The following SLC52A3 variants were observed in gnomAD, a reference collection of about 807,000 sequenced individuals.
SLC52A3 encodes solute carrier family 52, riboflavin transporter, member 3.
A neutral mutation model predicts 29.5 loss-of-function variants in SLC52A3; 20 were observed. That is an observed-to-expected ratio of 0.68 (90% CI 0.48 to 0.99). The LOEUF is 0.99. Ranked by LOEUF, SLC52A3 falls within the 50% of genes least tolerant of loss-of-function variation. The pLI, the probability that SLC52A3 is intolerant of heterozygous loss-of-function variation, is 0.00. For synonymous variants in SLC52A3, 301 were observed against 271.0 expected, an observed-to-expected ratio of 1.11 and a Z score of -1.09; for missense variants, 548 against 612.9, an observed-to-expected ratio of 0.89 and a Z score of 1.12.
At chr20:770,085 G>A (rs1466290157), upstream of SLC52A3, among the ~76,000 whole-genome samples, 5 of 151,912 alleles carry the variant, frequency 3.3e-5, no homozygotes, top group South Asian at 6.2e-4. This position sits in a 1 kb window ranked among gnomAD's most constrained non-coding sequence, Gnocchi z 4.5. Context: ...AGTGCAGCTC[G>A]TTGCCAGCAC....
At position 763,644 on chromosome 20, in the gene SLC52A3, G is replaced by A. The variant is rs781422986; in HGVS notation, c.927C>T (p.Phe309=). The change falls in exon 3 of 5, where the codon TTC becomes TTT. Residue 309 remains phenylalanine, a synonymous_variant. Transcript: ENST00000645534. ...HLAFIYTLVA[F]VNALTNGMLP... ...GCATGCCGTTGGTGAGCGCGTTGAC[G>A]AAGGCCACCAGGGTATAGATGAAGG... is the stretch of plus-strand genomic sequence containing the variant. 16 of 1,614,164 alleles carry A rather than the reference G, an allele frequency of 9.9e-6. No individual in the cohort carries two copies. The highest frequency in any genetic ancestry group is 6.7e-5 in the African/African-American group (5 of 75,042).
At chr20:773,542 T>G (rs1241724834) in intron 1 of SLC52A3, among the ~76,000 whole-genome samples, 1 of 152,122 alleles carries the variant, frequency 6.6e-6, no homozygotes, top group Non-Finnish European at 1.5e-5. Flanking sequence ...GATCTCTTTC[T>G]GCTCACAGAT....
Position 765,937 on chromosome 20 carries a change from C to CTGGCT in SLC52A3, c.-51-113_-51-112insAGCCA. On this transcript the variant is annotated intron_variant, in intron 1 of 4. Coordinates refer to ENST00000645534, the MANE Select transcript of SLC52A3 (RefSeq NM_033409.4). This position sits in a 1 kb window ranked among gnomAD's most constrained non-coding sequence, Gnocchi z 6.6. ...ACTCCCCTTCCTGTGAACAAGCTGG[C>CTGGCT]TTTTTTTTTTTTCCTTTGAGACATA... is the stretch of plus-strand genomic sequence containing the variant. The CTGGCT allele has an allele frequency of 1.8e-6, 1 of 558,792 alleles. No individual in the cohort carries two copies. Among genetic ancestry groups the CTGGCT allele is most frequent in the Non-Finnish European group, 3.1e-6 (1 of 323,030 alleles). The allele number at this position is 558,792 out of a possible 1,614,324, so 34.6% of individuals were successfully genotyped here.
upstream of SLC52A3, among the ~76,000 whole-genome samples, chr20:769,897 A>T (rs1489816130): frequency 6.6e-6 from 1 of 152,016 alleles, no homozygotes; most frequent in Non-Finnish European, 1.5e-5. Context: ...ACTCCATCTT[A>T]AAAAAGAAAA....
chr20:761,565 G>A (rs1568717392), intron 4 of SLC52A3, 136 bp downstream of exon 4: 17 of 1,334,236 alleles, frequency 1.3e-5, no homozygotes, highest in South Asian at 7.8e-5. Flanking sequence ...AGGAAGGGGC[G>A]CTTCCCCCAC....
Position 763,632 on chromosome 20 carries a change from G to C in SLC52A3, c.939C>G (p.Leu313=). The part of the protein sequence containing the change: ...IYTLVAFVNA[L]TNGMLPSVQT... ...GCACAGAGGGCAGCATGCCGTTGGT[G>C]AGCGCGTTGACGAAGGCCACCAGGG... is the stretch of plus-strand genomic sequence containing the variant. Residue 313 remains leucine, a synonymous_variant, in exon 3 of 5, where the codon CTC becomes CTG. Transcript: ENST00000645534. The C allele has an allele frequency of 6.2e-7, 1 of 1,614,204 alleles. No individual in the cohort carries two copies. Among genetic ancestry groups the C allele is most frequent in the Non-Finnish European group, 8.5e-7 (1 of 1,180,028 alleles).
chr20:770,159 T>G (rs1313665430), upstream of SLC52A3, among the ~76,000 whole-genome samples: 1 of 151,952 alleles, frequency 6.6e-6, no homozygotes, highest in East Asian at 1.9e-4. This position sits in a 1 kb window ranked among gnomAD's most constrained non-coding sequence, Gnocchi z 4.5. Flanking sequence ...ACTGCTGTTT[T>G]TTTTTTTTTT....
intron 1 of SLC52A3, 131 bp downstream of exon 1, chr20:768,166 A>G (rs1986746138): frequency 6.6e-6 from 1 of 152,220 alleles, no homozygotes; most frequent in African/African-American, 2.4e-5. Flanking sequence ...TCTAAGGGTT[A>G]CTGATCATTA....
chr20:763,668 G>A lies in SLC52A3; in HGVS notation c.903C>T (p.Ala301=). The A allele has an allele frequency of 6.2e-7, 1 of 1,614,152 alleles. No individual in the cohort carries two copies. The highest frequency in any genetic ancestry group is 8.5e-7 in the Non-Finnish European group (1 of 1,180,008). The change falls in exon 3 of 5, where the codon GCC becomes GCT. Residue 301 remains alanine (A), a synonymous_variant. Coordinates refer to ENST00000645534, the MANE Select transcript of SLC52A3 (RefSeq NM_033409.4). ...KAAPCCPAHL[A]FIYTLVAFVN... is the part of the protein sequence containing the mutation. Reference sequence around the variant, plus strand: ...CGAAGGCCACCAGGGTATAGATGAAGGCCAGGTGCGCCGGGCAGCAGGGGG... The same window carrying A: ...CGAAGGCCACCAGGGTATAGATGAAAGCCAGGTGCGCCGGGCAGCAGGGGG...
upstream of SLC52A3, among the ~76,000 whole-genome samples, chr20:779,488 TG>T (rs1403022608): frequency 6.6e-6 from 1 of 152,096 alleles, no homozygotes; most frequent in Non-Finnish European, 1.5e-5. Flanking sequence ...CTGGGCATGG[TG>T]GTGGGTGCCT....
chr20:769,347 C>T (rs188700328), upstream of SLC52A3, among the ~76,000 whole-genome samples: 7 of 152,304 alleles, frequency 4.6e-5, no homozygotes, highest in Admixed American at 3.3e-4. Context: ...GGAGCTCTCC[C>T]CTGCGGTAAC....
upstream of SLC52A3, among the ~76,000 whole-genome samples, chr20:772,383 C>A (rs1028532046): frequency 2.0e-5 from 3 of 152,214 alleles, no homozygotes; most frequent in African/African-American, 7.2e-5. Flanking sequence ...GGCCCACTCC[C>A]AAATTATCTC....
In SLC52A3 at chr20:765,596, A is replaced by T; in HGVS notation, c.179T>A (p.Leu60Gln). 6.3e-6 allele frequency: 10 copies of T among 1,593,614 alleles called. No homozygotes were observed. The highest frequency in any genetic ancestry group is 8.5e-6 in the Non-Finnish European group (10 of 1,170,688). Residue 60 changes from leucine (L) to glutamine (Q), a missense_variant, in exon 2 of 5, where the codon CTG becomes CAG. By Grantham distance (113) the Leu-to-Gln change is moderately radical (BLOSUM62 -2). This residue lies in a region of SLC52A3 where 375 missense variants were observed against 471.1 expected (regional missense o/e 0.80). Coordinates refer to ENST00000645534, the MANE Select transcript of SLC52A3 (RefSeq NM_033409.4). This position sits in a 1 kb window ranked among gnomAD's most constrained non-coding sequence, Gnocchi z 6.6. ...GCAGCTGGGCCGGAAGTGATGGAGC[A>T]GGGTGACCAGGAGGGGCCCGATGTT... ...LANIGPLLVT[L>Q]LHHFRPSCLS...
Position 761,008 on chromosome 20 carries a change from GC to G in SLC52A3, c.*17del, listed in dbSNP as rs201635560. 8 of 1,583,494 alleles carry G rather than the reference GC, an allele frequency of 5.1e-6. No individual in the cohort carries two copies. The highest frequency in any genetic ancestry group is 1.1e-5 in the South Asian group (1 of 86,974). ...CCAGTTCCGTCCGTGAGCGATGGGG[GC>G]GGGGTCGGCGGCCTGCCTAGGCTGG... On this transcript the variant is annotated 3_prime_UTR_variant, in exon 5 of 5. Coordinates refer to ENST00000645534, the MANE Select transcript of SLC52A3 (RefSeq NM_033409.4).
rs147369439 is a variant in SLC52A3, at chr20:763,524, C to T, written c.1047G>A (p.Ser349=). ...TLSIVANPLA[S]LVSMFLPNRS... The stretch of plus-strand genomic sequence containing the variant: ...TGTTAGGCAGGAACATGGAGACCAA[C>T]GAGGCAAGAGGGTTGGCCACAATGC... Residue 349 remains serine (S), a synonymous_variant, in exon 3 of 5, where the codon TCG becomes TCA. Coordinates refer to ENST00000645534, the MANE Select transcript of SLC52A3 (RefSeq NM_033409.4). 2,194 of 1,614,036 alleles carry T rather than the reference C, an allele frequency of 1.4e-3. 6 individuals carry two copies. The highest frequency in any genetic ancestry group is 1.3e-3 in the Non-Finnish European group (1,572 of 1,179,970).
chr20:765,464 T>C lies in SLC52A3; in HGVS notation c.311A>G (p.His104Arg), dbSNP rs201152444. The part of the protein sequence containing the change: ...NMTSWVLDGH[H>R]SIAFLVLTFF... The stretch of plus-strand genomic sequence containing the variant: ...GGTGAGGACCAAGAAGGCGATGCTG[T>C]GGTGGCCGTCCAGCACCCAGGAGGT... Residue 104 changes from histidine (H) to arginine (R), a missense_variant, in exon 2 of 5, where the codon CAC becomes CGC. His to Arg is a conservative substitution (Grantham distance 29). Coordinates refer to ENST00000645534, the MANE Select transcript of SLC52A3 (RefSeq NM_033409.4). The surrounding 1 kb of genome is among the most constrained non-coding windows in gnomAD (Gnocchi z 6.6). The C allele has an allele frequency of 3.1e-6, 5 of 1,606,818 alleles. No individual in the cohort carries two copies. In the East Asian group the frequency reaches 9.0e-5, roughly 29 times the overall value.
chr20:762,298 AC>A (rs1321841002), intron 3 of SLC52A3, among the ~76,000 whole-genome samples: 14 of 152,194 alleles, frequency 9.2e-5, no homozygotes, highest in African/African-American at 3.4e-4. Context: ...GGGCATTGGC[AC>A]AGTAGGGTTT....
At chr20:761,408 G>T in intron 4 of SLC52A3, 170 bp from the exon 5 acceptor site, 1 of 820,454 alleles carries the variant, frequency 1.2e-6, no homozygotes, top group Non-Finnish European at 1.9e-6. Context: ...TTGGCCGCCC[G>T]GGGGCGAAGG....
chr20:773,379 G>A (rs1259149175), upstream of SLC52A3, among the ~76,000 whole-genome samples: 5 of 152,154 alleles, frequency 3.3e-5, no homozygotes, highest in Admixed American at 2.0e-4. Context: ...TACAGATGAG[G>A]AAACTGAGGT....
Sources: allele counts gnomAD v4.1 joint callset (sites outside exome capture counted in the v4.1 genomes callset), GRCh38; gene constraint gnomAD v4.1.1; regional missense constraint gnomAD v4.1.1; non-coding constraint Gnocchi (gnomAD v3.1); transcripts MANE v1.5; gene names NCBI Gene and HGNC (gene_info 2026-07-23, HGNC 2026-07-21).